The following KCNH1 variants were observed in gnomAD, a reference collection of about 807,000 sequenced individuals.
The protein encoded by KCNH1 is voltage-gated delayed rectifier potassium channel KCNH1.
Under a neutral mutation model 69.2 loss-of-function variants are expected in KCNH1, and 27 were observed. The observed-to-expected ratio is 0.39, with a 90% CI of 0.29 to 0.54. KCNH1 has a LOEUF of 0.54. Among genes scored for constraint, KCNH1 ranks in the 20% least tolerant of loss-of-function variants. The pLI is 0.68. For missense variants in KCNH1, 798 were observed against 1,261.6 expected (o/e 0.63, Z 5.57); for synonymous variants, 456 against 487.7 (o/e 0.93, Z 0.86).
chr1:210,960,915 T>C (rs1242991698), intron 6 of KCNH1, among the ~76,000 whole-genome samples: 1 of 152,174 alleles, frequency 6.6e-6, no homozygotes, highest in Non-Finnish European at 1.5e-5. Flanking sequence ...CTTGGTATGG[T>C]CAGTTTTTAA....
intron 7 of KCNH1, among the ~76,000 whole-genome samples, chr1:210,823,139 A>G (rs1331415129): frequency 2.0e-5 from 3 of 152,150 alleles, no homozygotes; most frequent in African/African-American, 4.8e-5. Flanking sequence ...ACTCTGGGCC[A>G]CCTCAGAAAC....
rs1681232477 is a variant in KCNH1 at position 210,680,310 on chromosome 1, A to T, written c.*2971T>A. ...CTTCAATATGAATGACATTCAAAGT[A>T]AAGAATTTAGTAGAAATCAAATAAC... On this transcript the variant is annotated 3_prime_UTR_variant, in exon 11 of 11. Coordinates refer to ENST00000271751, the MANE Select transcript of KCNH1 (RefSeq NM_172362.3). 6.6e-6 allele frequency: 1 copy of T among 152,196 alleles called. No individual in the cohort carries two copies. Among genetic ancestry groups the T allele is most frequent in the Non-Finnish European group, 1.5e-5 (1 of 68,046 alleles). The allele number at this position is 152,196 out of a possible 1,614,324, so 9.4% of individuals were successfully genotyped here.
Position 210,916,804 on chromosome 1 carries a change from T to C in KCNH1, c.1462+2836A>G, listed in dbSNP as rs562399504. On this transcript the variant is annotated intron_variant, in intron 7 of 10. Coordinates refer to ENST00000271751, the MANE Select transcript of KCNH1 (RefSeq NM_172362.3). ...AGTGGACTTGCTTAACTAAACATTG[T>C]CCTTGGCTACATAATGCAGAAGTGA... Among the ~76,000 whole-genome samples, 3 of 152,260 alleles carry C rather than the reference T, an allele frequency of 2.0e-5. No homozygotes were observed. In the South Asian group the frequency reaches 6.2e-4, roughly 32 times the overall value.
intron 6 of KCNH1, among the ~76,000 whole-genome samples, chr1:211,002,328 G>GTGTGTGTGTATATATATATATATA (rs1689201965): frequency 1.9e-5 from 1 of 53,608 alleles, no homozygotes; most frequent in Non-Finnish European, 4.6e-5. Flanking sequence ...ATATATATAT[G>GTGTGTGTGTATATATATATATATA]TGTGTGTGTG....
chr1:210,691,581 G>A (rs1383730986), intron 10 of KCNH1, among the ~76,000 whole-genome samples: 1 of 152,152 alleles, frequency 6.6e-6, no homozygotes, highest in African/African-American at 2.4e-5. Context: ...TAGGACAAAG[G>A]ACAGTTTCTC....
chr1:210,825,285 T>C (rs1231630573), intron 7 of KCNH1, among the ~76,000 whole-genome samples: 6 of 152,224 alleles, frequency 3.9e-5, no homozygotes, highest in Non-Finnish European at 7.3e-5. Context: ...TATTTCAATA[T>C]GCAGAAGTGC....
intron 7 of KCNH1, among the ~76,000 whole-genome samples, chr1:210,856,747 C>T (rs972810619): frequency 7.0e-6 from 1 of 142,930 alleles, no homozygotes; most frequent in Non-Finnish European, 1.5e-5. Context: ...ATTGGAATCA[C>T]CGGTAGAGGA....
intron 7 of KCNH1, chr1:210,859,710 T>A: frequency 3.3e-6 from 4 of 1,212,770 alleles, no homozygotes; most frequent in Non-Finnish European, 3.7e-6. Context: ...GCAAAATCTG[T>A]CCAGAAACCT....
intron 6 of KCNH1, among the ~76,000 whole-genome samples, chr1:210,999,952 C>A (rs1010116783): frequency 1.3e-5 from 2 of 152,140 alleles, no homozygotes. Flanking sequence ...AGACCTTTGA[C>A]AAAATTCAAC....
chr1:211,123,096 T>C (rs1006807053), intron 1 of KCNH1, among the ~76,000 whole-genome samples: 1 of 152,196 alleles, frequency 6.6e-6, no homozygotes, highest in Admixed American at 6.5e-5. Context: ...GGCAGGAGTG[T>C]AGGGGACACA....
At chr1:211,056,263 C>T (rs1690302200) in intron 5 of KCNH1, among the ~76,000 whole-genome samples, 1 of 152,122 alleles carries the variant, frequency 6.6e-6, no homozygotes, top group Admixed American at 6.5e-5. Flanking sequence ...CGGCAGTAGC[C>T]AGGCAGTACT....
At chr1:210,866,245 A>G (rs750920451) in intron 7 of KCNH1, among the ~76,000 whole-genome samples, 38 of 152,202 alleles carry the variant, frequency 2.5e-4, no homozygotes, top group Non-Finnish European at 4.3e-4. Context: ...AGTACAGTCT[A>G]CAGAAGAAAA....
At chr1:211,099,402 C>T (rs1008757473) in intron 3 of KCNH1, among the ~76,000 whole-genome samples, 2 of 152,018 alleles carry the variant, frequency 1.3e-5, no homozygotes, top group Admixed American at 1.3e-4. Context: ...AGTGATATTT[C>T]ACTTTTTAAA....
chr1:211,107,645 C>T (rs74384469), intron 1 of KCNH1, among the ~76,000 whole-genome samples: 116 of 152,284 alleles, frequency 7.6e-4, no homozygotes, highest in African/African-American at 2.7e-3. Context: ...CCAACAAATC[C>T]TGCAGAAACT....
At chr1:211,088,273 C>T (rs1690991542) in intron 4 of KCNH1, among the ~76,000 whole-genome samples, 2 of 152,114 alleles carry the variant, frequency 1.3e-5, no homozygotes, top group South Asian at 2.1e-4. Flanking sequence ...AAGACTCTTA[C>T]GACTCTTAAT....
rs1434374071 is a variant in KCNH1, at chr1:211,133,923, C to T, written c.23G>A (p.Arg8Lys). ...CGTGTTTTGAGGGGCCACTAGTCCC[C>T]TCCTGCCCCCAGCCATGGTCATCCT... MTMAGGRRGLVAPQNTFL... is the reference protein window; with the variant it reads MTMAGGRKGLVAPQNTFL... The change falls in exon 1 of 11, where the codon AGG becomes AAG. Residue 8 changes from arginine (R) to lysine (K), a missense_variant. Arg to Lys is a conservative substitution (Grantham distance 26). Transcript: ENST00000271751. The surrounding 1 kb of genome is among the most constrained non-coding windows in gnomAD (Gnocchi z 5.4). The T allele has an allele frequency of 1.2e-6, 2 of 1,609,952 alleles. No individual in the cohort carries two copies. The highest frequency in any genetic ancestry group is 1.7e-6 in the Non-Finnish European group (2 of 1,178,310).
At chr1:210,824,741 C>T (rs1685001453) in intron 7 of KCNH1, among the ~76,000 whole-genome samples, 1 of 152,086 alleles carries the variant, frequency 6.6e-6, no homozygotes, top group African/African-American at 2.4e-5. Flanking sequence ...AGTGATAATA[C>T]CTTACAGTTT....
At chr1:210,714,890 C>T (rs1370862209) in intron 10 of KCNH1, among the ~76,000 whole-genome samples, 1 of 152,094 alleles carries the variant, frequency 6.6e-6, no homozygotes, top group Non-Finnish European at 1.5e-5. Flanking sequence ...CCTCATTTTC[C>T]CCCAGCCATT....
At chr1:210,891,263 C>T (rs866718136) in intron 7 of KCNH1, among the ~76,000 whole-genome samples, 2 of 152,186 alleles carry the variant, frequency 1.3e-5, no homozygotes, top group African/African-American at 4.8e-5. Context: ...AGCTGGAAAC[C>T]ATTATTCTGA....
Sources: allele counts gnomAD v4.1 joint callset (sites outside exome capture counted in the v4.1 genomes callset), GRCh38; gene constraint gnomAD v4.1.1; non-coding constraint Gnocchi (gnomAD v3.1); transcripts MANE v1.5; gene names NCBI Gene and HGNC (gene_info 2026-07-23, HGNC 2026-07-21).